Variants in RTN1 observed in about 807,000 individuals in gnomAD.
The protein encoded by RTN1 is reticulon 1, also known as reticulon-1.
In RTN1, 25 loss-of-function variants were observed where a neutral mutation model predicts 65.5. The observed-to-expected ratio is 0.38, with a 90% confidence interval of 0.28 to 0.53. The LOEUF is 0.53. Among genes scored for constraint, RTN1 ranks in the 20% least tolerant of loss-of-function variants. The probability of loss-of-function intolerance (pLI) is 0.79; values close to 1 mark genes in which losing one functional copy is unlikely to be tolerated. For missense variants in RTN1, 983 were observed against 1,025.4 expected (o/e 0.96, Z 0.57); for synonymous variants, 471 against 447.6 (o/e 1.05, Z -0.66).
chr14:59,607,900 T>TAA (rs1339057957), intron 3 of RTN1, among the ~76,000 whole-genome samples: 1 of 130,890 alleles, frequency 7.6e-6, no homozygotes, highest in Admixed American at 7.4e-5. Context: ...GACTCTGTCT[T>TAA]AAAAAAAAAA....
At chr14:59,710,218 TC>T (rs139521548) in intron 3 of RTN1, among the ~76,000 whole-genome samples, 5,786 of 152,086 alleles carry the variant, frequency 0.038, 347 homozygotes, top group African/African-American at 0.13. Flanking sequence ...AATTTTTGTA[TC>T]TTTTTTTTGT....
rs1408052075 is a variant in RTN1, at chr14:59,645,391, CTATATAT to C, written c.1766-37906_1766-37900del. 3.5e-3 allele frequency among the ~76,000 whole-genome samples: 540 copies of C among 152,114 alleles called. 3 individuals are homozygous for C. Among genetic ancestry groups the C allele is most frequent in the Non-Finnish European group, 5.5e-3 (372 of 67,972 alleles). On this transcript the variant is annotated intron_variant, in intron 3 of 8. Transcript: ENST00000267484. The stretch of plus-strand genomic sequence containing the variant: ...TTTATATATGTTTGTTACATGTTTT[CTATATAT>C]TACATGTTTTCTATATGTTACATGT...
At chr14:59,750,034 C>T (rs528777243) in intron 1 of RTN1, among the ~76,000 whole-genome samples, 8 of 63,762 alleles carry the variant, frequency 1.3e-4, no homozygotes, top group African/African-American at 4.3e-4. Context: ...ATATTATATA[C>T]ATATATTATA....
At chr14:59,598,744 CA>C (rs1446496216) in intron 8 of RTN1, among the ~76,000 whole-genome samples, 1 of 152,134 alleles carries the variant, frequency 6.6e-6, no homozygotes, top group African/African-American at 2.4e-5. Context: ...CTAAAATTTC[CA>C]TTCACTGCTC....
intron 1 of RTN1, among the ~76,000 whole-genome samples, chr14:59,755,626 A>G (rs570123399): frequency 9.9e-5 from 15 of 152,274 alleles, no homozygotes; most frequent in African/African-American, 3.4e-4. Context: ...GCTGTGACAC[A>G]TTTGACAACA....
intron 1 of RTN1, among the ~76,000 whole-genome samples, chr14:59,777,293 T>A (rs1886070011): frequency 6.6e-6 from 1 of 152,184 alleles, no homozygotes; most frequent in Non-Finnish European, 1.5e-5. Context: ...GTTGCTTTTG[T>A]GTTTGACTGT....
At chr14:59,810,919 T>C (rs1886717366) in intron 1 of RTN1, among the ~76,000 whole-genome samples, 2 of 152,180 alleles carry the variant, frequency 1.3e-5, no homozygotes. Context: ...AGACCCTTTA[T>C]TACAGGACCC....
intron 3 of RTN1, among the ~76,000 whole-genome samples, chr14:59,618,973 T>C (rs919519543): frequency 6.6e-6 from 1 of 152,220 alleles, no homozygotes; most frequent in Non-Finnish European, 1.5e-5. Flanking sequence ...ACAAATGTTG[T>C]CTCGATGCCA....
intron 3 of RTN1, among the ~76,000 whole-genome samples, chr14:59,672,511 A>T (rs17096483): frequency 0.027 from 4,155 of 152,228 alleles, 195 homozygotes; most frequent in African/African-American, 0.094. Context: ...ATTAATATCA[A>T]GGAAGGTGCT....
chr14:59,819,408 ACCACCACCCCCCCCCCACCCCCCAC>A lies in RTN1; in HGVS notation c.241+50957_241+50981del, dbSNP rs756724650. Among the ~76,000 whole-genome samples the A allele has an allele frequency of 8.5e-4, 16 of 18,758 alleles. 2 individuals carry two copies. The South Asian group carries it at 0.023, about 27-fold the overall frequency. 12.3% of individuals were successfully genotyped at this position (18,758 alleles called of 152,430 possible). A position where few individuals can be genotyped will look rare whatever the true frequency, so the allele number is the denominator to read the frequency against. On this transcript the variant is annotated intron_variant, in intron 1 of 8. Coordinates refer to ENST00000267484, the MANE Select transcript of RTN1 (RefSeq NM_021136.3). ...GAGAGCTGATTGGTGCATCCACACC[ACCACCACCCCCCCCCCACCCCCCAC>A]CCCCCCCCCCCGGCCACAGCTAGAC...
rs1881397691 is a variant in RTN1 at position 59,596,380 on chromosome 14, C to T, written c.*365G>A. The T allele has an allele frequency of 5.8e-6, 1 of 171,370 alleles. No homozygotes were observed. Among genetic ancestry groups the T allele is most frequent in the East Asian group, 1.6e-4 (1 of 6,244 alleles). The allele number at this position is 171,370 out of a possible 1,614,324, so 10.6% of individuals were successfully genotyped here. On this transcript the variant is annotated 3_prime_UTR_variant, in exon 9 of 9. Transcript: ENST00000267484. ...CGATTTCCACTATTGCATCAGAGCA[C>T]TCGGCAGGAAAGGCCTAGCCACGGG...
At chr14:59,718,738 C>A (rs140510870) in intron 3 of RTN1, among the ~76,000 whole-genome samples, 5 of 152,142 alleles carry the variant, frequency 3.3e-5, no homozygotes, top group African/African-American at 1.2e-4. Context: ...CACAAAAAAA[C>A]GAGTTCAATG....
At chr14:59,643,234 C>T (rs900629999) in intron 3 of RTN1, among the ~76,000 whole-genome samples, 1 of 152,084 alleles carries the variant, frequency 6.6e-6, no homozygotes, top group African/African-American at 2.4e-5. Context: ...CTTAGGGAGA[C>T]CCTGTCTCTA....
At chr14:59,835,948 C>A (rs930349585) in intron 1 of RTN1, among the ~76,000 whole-genome samples, 11 of 152,216 alleles carry the variant, frequency 7.2e-5, no homozygotes, top group Non-Finnish European at 1.6e-4. Context: ...AAGGTGTCGA[C>A]AGGGTTGCAT....
At chr14:59,670,031 C>T (rs73309661) in intron 3 of RTN1, among the ~76,000 whole-genome samples, 3,055 of 152,212 alleles carry the variant, frequency 0.02, 108 homozygotes, top group African/African-American at 0.069. Context: ...AAGTGTGCAA[C>T]GACAAATAGA....
chr14:59,624,367 T>C (rs969188151), intron 3 of RTN1, among the ~76,000 whole-genome samples: 12 of 152,188 alleles, frequency 7.9e-5, no homozygotes, highest in Middle Eastern at 3.2e-3. Flanking sequence ...AGGCAGAAGA[T>C]GGCTTTTAAA....
chr14:59,757,976 T>C (rs181370463), intron 1 of RTN1, among the ~76,000 whole-genome samples: 2 of 152,278 alleles, frequency 1.3e-5, no homozygotes, highest in East Asian at 3.9e-4. Context: ...ATGACATATA[T>C]ACACCATAAC....
At chr14:59,782,659 A>G (rs1175964071) in intron 1 of RTN1, among the ~76,000 whole-genome samples, 1 of 152,222 alleles carries the variant, frequency 6.6e-6, no homozygotes, top group East Asian at 1.9e-4. Flanking sequence ...GATAGGGTAG[A>G]ACAATGCTTG....
intron 3 of RTN1, among the ~76,000 whole-genome samples, chr14:59,642,586 T>G (rs1882803265): frequency 6.6e-6 from 1 of 152,196 alleles, no homozygotes; most frequent in African/African-American, 2.4e-5. Context: ...TCTTCTGTGT[T>G]CAAAGTCTTA....
Sources: allele counts gnomAD v4.1 joint callset (sites outside exome capture counted in the v4.1 genomes callset), GRCh38; gene constraint gnomAD v4.1.1; transcripts MANE v1.5; gene names NCBI Gene and HGNC (gene_info 2026-07-23, HGNC 2026-07-21).